Variants in DCC observed in about 807,000 individuals in gnomAD.
The protein encoded by DCC is netrin receptor DCC.
DCC carries 58 observed loss-of-function variants against 172.5 expected under a neutral mutation model. The ratio of observed to expected loss-of-function variants is 0.34; its 90% CI spans 0.27 to 0.42. DCC has a LOEUF of 0.42. Ranked by LOEUF, DCC falls within the 10% of genes least tolerant of loss-of-function variation. The pLI is 1.00. For synonymous variants in DCC, 709 were observed against 644.5 expected (o/e 1.10, Z -1.52); for missense variants, 1,740 against 1,791.0 (o/e 0.97, Z 0.51).
At chr18:53,506,857 C>CA (rs1378194678) in intron 27 of DCC, among the ~76,000 whole-genome samples, 1 of 53,356 alleles carries the variant, frequency 1.9e-5, no homozygotes, top group Non-Finnish European at 4.5e-5. Flanking sequence ...GAGACTCCAT[C>CA]TCAAAAAAAA....
At position 53,429,031 on chromosome 18, in the gene DCC, ATATATATTTTATATATAATATAT is replaced by A. The variant is rs1450219588; in HGVS notation, c.3164-6089_3164-6067del. 8.9e-3 allele frequency among the ~76,000 whole-genome samples: 435 copies of A among 48,714 alleles called. 28 individuals are homozygous for A. The highest frequency in any genetic ancestry group is 0.02 in the East Asian group (46 of 2,254). The allele number at this position is 48,714 out of a possible 152,430, so 32.0% of individuals were successfully genotyped here. ...ATATATTTTATATATTTTTTATATA[ATATATATTTTATATATAATATAT>A]TATATATTTTATATATAATATATAT... On this transcript the variant is annotated intron_variant, in intron 21 of 28. Coordinates refer to ENST00000442544, the MANE Select transcript of DCC (RefSeq NM_005215.4).
intron 1 of DCC, among the ~76,000 whole-genome samples, chr18:52,609,472 G>T (rs2034204491): frequency 6.6e-6 from 1 of 152,014 alleles, no homozygotes; most frequent in Non-Finnish European, 1.5e-5. Flanking sequence ...CTAAGGCTTG[G>T]CTGTAATGTT....
chr18:52,561,205 TATG>T (rs745483821), intron 1 of DCC, among the ~76,000 whole-genome samples: 84 of 152,208 alleles, frequency 5.5e-4, no homozygotes, highest in Non-Finnish European at 1.1e-3. Flanking sequence ...AATGCCTAAA[TATG>T]ATTTAGAATA....
intron 1 of DCC, among the ~76,000 whole-genome samples, chr18:52,466,844 C>G (rs1193407687): frequency 1.3e-5 from 2 of 152,104 alleles, no homozygotes; most frequent in African/African-American, 4.8e-5. Context: ...CTAAGCATTT[C>G]ATATACACTT....
At chr18:52,704,723 A>T (rs561965368) in intron 1 of DCC, among the ~76,000 whole-genome samples, 1 of 152,270 alleles carries the variant, frequency 6.6e-6, no homozygotes, top group East Asian at 1.9e-4. Flanking sequence ...TTTGTCACGC[A>T]CTTAAGGTTC....
chr18:52,964,424 T>C (rs1346903936), intron 5 of DCC, among the ~76,000 whole-genome samples: 1 of 152,154 alleles, frequency 6.6e-6, no homozygotes, highest in East Asian at 1.9e-4. Flanking sequence ...AATTCATCCA[T>C]GAGGGAGCCT....
At chr18:53,369,708 T>C (rs1223858399) in intron 15 of DCC, among the ~76,000 whole-genome samples, 1 of 151,952 alleles carries the variant, frequency 6.6e-6, no homozygotes, top group African/African-American at 2.4e-5. Context: ...TCAAATGCTT[T>C]TTCTGCATCA....
chr18:52,901,617 A>G (rs2039809972), intron 2 of DCC, among the ~76,000 whole-genome samples: 2 of 152,168 alleles, frequency 1.3e-5, no homozygotes, highest in African/African-American at 4.8e-5. Context: ...ATCCGTTCCC[A>G]AAGTCCTCTA....
intron 1 of DCC, among the ~76,000 whole-genome samples, chr18:52,474,276 C>T (rs1025569035): frequency 6.6e-6 from 1 of 150,884 alleles, no homozygotes; most frequent in Non-Finnish European, 1.5e-5. Context: ...ACCATTACCA[C>T]ACTGGTTTAA....
intron 9 of DCC, among the ~76,000 whole-genome samples, chr18:53,188,437 T>G (rs910152300): frequency 1.3e-5 from 2 of 152,256 alleles, no homozygotes; most frequent in Non-Finnish European, 2.9e-5. Context: ...TTACCTGGTC[T>G]GATTCTCAAA....
intron 2 of DCC, among the ~76,000 whole-genome samples, chr18:52,819,753 C>G (rs1158194592): frequency 6.7e-6 from 1 of 150,052 alleles, no homozygotes; most frequent in Non-Finnish European, 1.5e-5. Context: ...GAGTCTTGCT[C>G]TGTCGCCCAG....
rs150626622 is a variant in DCC at position 53,483,520 on chromosome 18, T to A, written c.3737-3277T>A. 3.9e-5 allele frequency among the ~76,000 whole-genome samples: 6 copies of A among 152,002 alleles called. No homozygotes were observed. The East Asian group carries it at 7.7e-4, about 20-fold the overall frequency. On this transcript the variant is annotated intron_variant, in intron 25 of 28. Coordinates refer to ENST00000442544, the MANE Select transcript of DCC (RefSeq NM_005215.4). ...TCCCCTTAAAAAATATGTGAGGAAG[T>A]GCCTTGTTAACAGATAGAAGTTAAC...
At chr18:52,561,013 G>T (rs951711728) in intron 1 of DCC, among the ~76,000 whole-genome samples, 2 of 152,034 alleles carry the variant, frequency 1.3e-5, no homozygotes, top group Non-Finnish European at 2.9e-5. Context: ...CATATGGAAG[G>T]TTGAATATTT....
At chr18:53,247,951 T>C (rs1268828634) in intron 12 of DCC, among the ~76,000 whole-genome samples, 1 of 151,996 alleles carries the variant, frequency 6.6e-6, no homozygotes, top group Non-Finnish European at 1.5e-5. Context: ...TTCTTGACTT[T>C]CTCAAGTCCC....
chr18:53,502,978 A>C (rs1324224963), intron 27 of DCC, among the ~76,000 whole-genome samples: 2 of 151,912 alleles, frequency 1.3e-5, no homozygotes, highest in Admixed American at 6.6e-5. Context: ...CCCTGCATGC[A>C]TTAGCTATTT....
chr18:53,242,424 G>A (rs564590394), intron 12 of DCC, among the ~76,000 whole-genome samples: 19 of 152,188 alleles, frequency 1.2e-4, no homozygotes, highest in African/African-American at 4.6e-4. Flanking sequence ...CATAGTATTT[G>A]TTCAATCGAT....
chr18:53,346,478 C>A (rs1193897759), intron 15 of DCC, among the ~76,000 whole-genome samples: 1 of 152,002 alleles, frequency 6.6e-6, no homozygotes, highest in Non-Finnish European at 1.5e-5. Context: ...CGTTTTTTAA[C>A]CTTTTTACTC....
intron 1 of DCC, among the ~76,000 whole-genome samples, chr18:52,360,455 A>G (rs1023632186): frequency 6.6e-6 from 1 of 152,254 alleles, no homozygotes; most frequent in African/African-American, 2.4e-5. Context: ...AATTTTGCAC[A>G]GTTTTGATGT....
At position 52,748,665 on chromosome 18, in the gene DCC, A is replaced by T. The variant is rs1335951102; in HGVS notation, c.92-3389A>T. ...AGTGTTACAGCTCCTTTTGCACCTG[A>T]TGTTCAATGGGTCCCAGGTTCTTGT... On this transcript the variant is annotated intron_variant, in intron 1 of 28. Coordinates refer to ENST00000442544, the MANE Select transcript of DCC (RefSeq NM_005215.4). Among the ~76,000 whole-genome samples, 4 of 152,144 alleles carry T rather than the reference A, an allele frequency of 2.6e-5. No homozygotes were observed. In the East Asian group the frequency reaches 7.7e-4, roughly 29 times the overall value.
Sources: allele counts gnomAD v4.1 joint callset (sites outside exome capture counted in the v4.1 genomes callset), GRCh38; gene constraint gnomAD v4.1.1; transcripts MANE v1.5; gene names NCBI Gene and HGNC (gene_info 2026-07-23, HGNC 2026-07-21).